The following ADGRE3 variants were observed in gnomAD, a reference collection of about 807,000 sequenced individuals.
ADGRE3 encodes adhesion G protein-coupled receptor E3.
A neutral mutation model predicts 80.1 loss-of-function variants in ADGRE3; 88 were observed. The ratio of observed to expected loss-of-function variants is 1.10; its 90% confidence interval spans 0.93 to 1.31. ADGRE3 has a LOEUF of 1.31. ADGRE3 is among the 40% of genes most tolerant of loss of function. The probability of loss-of-function intolerance (pLI) is 0.00; values close to 1 mark genes in which losing one functional copy is unlikely to be tolerated. For synonymous variants in ADGRE3, 281 were observed against 294.8 expected (o/e 0.95, Z 0.48); for missense variants, 715 against 776.5 (o/e 0.92, Z 0.94).
rs1599648795 is a variant in ADGRE3, at chr19:14,662,098, G to A, written c.220C>T (p.Pro74Ser). The A allele has an allele frequency of 6.2e-7, 1 of 1,613,998 alleles. No individual in the cohort carries two copies. The highest frequency in any genetic ancestry group is 1.3e-5 in the African/African-American group (1 of 75,016). ...TCNDINECTP[P>S]YSVYCGFNAV... ...TTAAATCCACAATATACACTATAGG[G>A]TGGTGTACATTCATTAATGTCTGGA... The change falls in exon 4 of 16, where the codon CCC (proline) becomes TCC (serine). Residue 74 changes from proline to serine, a missense_variant. Coordinates refer to ENST00000253673, the MANE Select transcript of ADGRE3 (RefSeq NM_032571.5).
chr19:14,634,235 C>A (rs1301628029), intron 11 of ADGRE3, among the ~76,000 whole-genome samples: 3 of 151,742 alleles, frequency 2.0e-5, no homozygotes, highest in Non-Finnish European at 4.4e-5. Context: ...AAAATGAAAA[C>A]AACAAATTAC....
At chr19:14,669,006 T>G (rs1164794793) in intron 1 of ADGRE3, among the ~76,000 whole-genome samples, 154 bp from the exon 2 acceptor site, 7 of 151,956 alleles carry the variant, frequency 4.6e-5, no homozygotes, top group African/African-American at 1.5e-4. Context: ...AGTATGGAGA[T>G]CTCTCAAATA....
chr19:14,634,668 G>T (rs1001073389), intron 11 of ADGRE3, among the ~76,000 whole-genome samples: 1 of 152,100 alleles, frequency 6.6e-6, no homozygotes, highest in African/African-American at 2.4e-5. Context: ...TTCTCATCTC[G>T]CTAATGAGGG....
rs1303815438 is a variant in ADGRE3, at chr19:14,638,131, C to G, written c.1458G>C (p.Trp486Cys). Reference sequence around the variant, plus strand: ...GATCAGCAGTTCCATAAAGGTGAGGCCAGGAGGCTGCAGAAATGGCCACAG... The same window carrying G: ...GATCAGCAGTTCCATAAAGGTGAGGGCAGGAGGCTGCAGAAATGGCCACAG... ...AVTVAISAAS[W>C]PHLYGTADRC... Residue 486 changes from tryptophan (W) to cysteine (C), a missense_variant, in exon 11 of 16, where the codon TGG becomes TGC. Transcript: ENST00000253673. 9 of 1,613,888 alleles carry G rather than the reference C, an allele frequency of 5.6e-6. No individual in the cohort carries two copies. In the African/African-American group the frequency reaches 1.2e-4, roughly 22 times the overall value.
chr19:14,620,006 A>G (rs1337544695), intron 15 of ADGRE3, among the ~76,000 whole-genome samples: 1 of 152,128 alleles, frequency 6.6e-6, no homozygotes, highest in Non-Finnish European at 1.5e-5. Context: ...CCTGGTATTT[A>G]TGGTTCATTC....
chr19:14,638,430 C>T (rs1310965621), intron 10 of ADGRE3, 90 bp from the exon 11 acceptor site: 1 of 881,370 alleles, frequency 1.1e-6, no homozygotes, highest in Non-Finnish European at 1.8e-6. Flanking sequence ...GGGTTCAGAG[C>T]ACCTGACATC....
At chr19:14,633,059 A>G (rs1013692765) in intron 12 of ADGRE3, 47 bp from the exon 13 acceptor site, 2 of 1,459,706 alleles carry the variant, frequency 1.4e-6, no homozygotes, top group African/African-American at 2.8e-5. Context: ...AAAGTAATGT[A>G]TGGTGTCCAC....
At chr19:14,657,441 G>A (rs1008571185) in intron 5 of ADGRE3, among the ~76,000 whole-genome samples, 8 of 151,816 alleles carry the variant, frequency 5.3e-5, no homozygotes, top group African/African-American at 1.9e-4. Flanking sequence ...TCTTGGTCTG[G>A]GATAGATTCC....
intron 4 of ADGRE3, among the ~76,000 whole-genome samples, chr19:14,661,152 T>C (rs1478338726): frequency 2.6e-5 from 4 of 152,062 alleles, no homozygotes; most frequent in Non-Finnish European, 4.4e-5. Context: ...ATGTTGGCCA[T>C]GCTGGTCTTG....
chr19:14,631,957 C>G (rs1180346847), intron 13 of ADGRE3, among the ~76,000 whole-genome samples: 1 of 152,054 alleles, frequency 6.6e-6, no homozygotes, highest in Non-Finnish European at 1.5e-5. Context: ...ACAAAGTTGT[C>G]TTATTTTTAT....
chr19:14,641,661 G>A (rs1971254541), intron 9 of ADGRE3, 45 bp from the exon 10 acceptor site: 4 of 1,598,162 alleles, frequency 2.5e-6, no homozygotes, highest in African/African-American at 1.3e-5. Flanking sequence ...TCCTGCACTG[G>A]GATTATGGCT....
Position 14,630,102 on chromosome 19 carries a change from G to A in ADGRE3, c.1749C>T (p.Phe583=). 6.2e-7 allele frequency: 1 copy of A among 1,612,658 alleles called. No homozygotes were observed. The change falls in exon 14 of 16, where the codon TTC becomes TTT. Residue 583 remains phenylalanine, a synonymous_variant. Coordinates refer to ENST00000253673, the MANE Select transcript of ADGRE3 (RefSeq NM_032571.5). Reference sequence around the variant, plus strand: ...AGCCTTGGAGGCTGTTGATGATGGTGAAGAGGTAGGCCATGACCTGGGCAG... The same window carrying A: ...AGCCTTGGAGGCTGTTGATGATGGTAAAGAGGTAGGCCATGACCTGGGCAG... ...GPAAQVMAYL[F]TIINSLQGFF... is the part of the protein sequence containing the mutation.
At chr19:14,602,887 C>G in the ADGRE3 span, among the ~76,000 whole-genome samples, 26 of 152,110 alleles carry the variant, frequency 1.7e-4, no homozygotes, top group Admixed American at 9.8e-4. Context: ...AGGCGCCCAC[C>G]ACCATGCCTG....
At chr19:14,613,444 T>C in the ADGRE3 span, among the ~76,000 whole-genome samples, 2 of 151,402 alleles carry the variant, frequency 1.3e-5, no homozygotes, top group African/African-American at 2.4e-5. Context: ...TTGCCCAGAC[T>C]GGGCTTAAAC....
At chr19:14,610,238 T>C in the ADGRE3 span, 1 of 1,544,642 alleles carries the variant, frequency 6.5e-7, no homozygotes, top group Non-Finnish European at 8.7e-7. Flanking sequence ...GAGTGTCTCT[T>C]TGAGATGAGA....
At chr19:14,620,466 A>ATATG (rs1970524959) in intron 15 of ADGRE3, among the ~76,000 whole-genome samples, 1 of 31,036 alleles carries the variant, frequency 3.2e-5, no homozygotes, top group South Asian at 1.2e-3. Flanking sequence ...GAATATATGA[A>ATATG]TATATTATGA....
At chr19:14,636,122 CT>C (rs1971063413) in intron 11 of ADGRE3, among the ~76,000 whole-genome samples, 8 of 68,758 alleles carry the variant, frequency 1.2e-4, no homozygotes, top group African/African-American at 3.5e-4. Flanking sequence ...TTCTTTCTTT[CT>C]TTCTTTCTTT....
chr19:14,620,550 A>AATATATATATATATAT (rs1568471512), intron 15 of ADGRE3, among the ~76,000 whole-genome samples: 19 of 18,956 alleles, frequency 1.0e-3, no homozygotes, highest in African/African-American at 4.7e-3. Flanking sequence ...TATATATATT[A>AATATATATATATATAT]TATATATATA....
At chr19:14,650,177 T>C in intron 7 of ADGRE3, among the ~76,000 whole-genome samples, 1 of 143,458 alleles carries the variant, frequency 7.0e-6, no homozygotes. Context: ...CCTATCTCTC[T>C]CCCCCATCTC....
Sources: gnomAD v4.1 joint callset for allele counts (sites outside exome capture counted in the v4.1 genomes callset) on GRCh38, gnomAD v4.1.1 for gene constraint, MANE v1.5 for transcripts, NCBI Gene and HGNC (gene_info 2026-07-23, HGNC 2026-07-21) for gene names.